Variants in TAX1BP1 observed in about 807,000 individuals in gnomAD.
TAX1BP1 encodes the protein Tax1 binding protein 1, also known as tax1-binding protein 1.
Under a neutral mutation model 97.7 loss-of-function variants are expected in TAX1BP1, and 62 were observed. The observed-to-expected ratio is 0.63, with a 90% confidence interval of 0.52 to 0.78. The LOEUF is 0.78. Ranked by LOEUF, TAX1BP1 falls within the 30% of genes least tolerant of loss-of-function variation. TAX1BP1 has a pLI of 0.00. For missense variants in TAX1BP1, 867 were observed against 916.1 expected, an observed-to-expected ratio of 0.95 and a Z score of 0.69; for synonymous variants, 340 against 304.2, an observed-to-expected ratio of 1.12 and a Z score of -1.23.
At chr7:27,795,110 T>C (rs1281205327) in intron 11 of TAX1BP1, among the ~76,000 whole-genome samples, 2 of 152,206 alleles carry the variant, frequency 1.3e-5, no homozygotes, top group East Asian at 3.9e-4. Flanking sequence ...AGAAAGTATA[T>C]TTTCTTGTTT....
chr7:27,788,904 G>A (rs1421755615), intron 8 of TAX1BP1, among the ~76,000 whole-genome samples: 2 of 151,972 alleles, frequency 1.3e-5, no homozygotes, highest in Non-Finnish European at 2.9e-5. Context: ...TGCACATTCA[G>A]TGGGTATTTT....
intron 13 of TAX1BP1, chr7:27,803,175 G>T: frequency 1.3e-6 from 2 of 1,545,086 alleles, no homozygotes; most frequent in African/African-American, 1.4e-5. Context: ...CCTCTCCAGG[G>T]AGAAGGTATT....
intron 8 of TAX1BP1, among the ~76,000 whole-genome samples, chr7:27,790,264 T>A (rs939071370): frequency 6.6e-6 from 1 of 151,998 alleles, no homozygotes; most frequent in African/African-American, 2.4e-5. Context: ...TTTCTTCTCT[T>A]CATTTAACAA....
chr7:27,758,842 A>G (rs1241389298), intron 3 of TAX1BP1, among the ~76,000 whole-genome samples: 1 of 152,152 alleles, frequency 6.6e-6, no homozygotes, highest in Non-Finnish European at 1.5e-5. Context: ...ATGAGGGTAG[A>G]GAGTTTCAGT....
Position 27,765,930 on chromosome 7 carries a change from G to A in TAX1BP1, c.362G>A (p.Arg121Gln), listed in dbSNP as rs751921028. The change falls in exon 4 of 17, where the codon CGA becomes CAA. Residue 121 changes from arginine (R) to glutamine (Q), a missense_variant. Arg to Gln is a conservative substitution (Grantham distance 43). This residue lies in a region of TAX1BP1 where 822 missense variants were observed against 851.4 expected (regional missense o/e 0.97). Transcript: ENST00000396319. ...GGAGCAAGTACACCTTTCCAGTTTC[G>A]AGCTTCTTCTCCAGTTGAAGAGCTG... is the stretch of plus-strand genomic sequence containing the variant. ...IRGASTPFQF[R>Q]ASSPVEELLT... 3.7e-6 allele frequency: 6 copies of A among 1,614,062 alleles called. No homozygotes were observed. The highest frequency in any genetic ancestry group is 1.7e-5 in the Admixed American group (1 of 60,008).
At chr7:27,794,694 G>A (rs924790987) in intron 11 of TAX1BP1, among the ~76,000 whole-genome samples, 1 of 152,146 alleles carries the variant, frequency 6.6e-6, no homozygotes, top group African/African-American at 2.4e-5. Context: ...ATTCACACAT[G>A]TTAAAAATGA....
At chr7:27,795,176 T>C (rs1789872221) in intron 11 of TAX1BP1, among the ~76,000 whole-genome samples, 1 of 152,242 alleles carries the variant, frequency 6.6e-6, no homozygotes, top group African/African-American at 2.4e-5. Context: ...TCTTAGACTA[T>C]TAAATATTAG....
intron 13 of TAX1BP1, among the ~76,000 whole-genome samples, chr7:27,804,419 G>C (rs6970578): frequency 6.6e-6 from 1 of 152,052 alleles, no homozygotes; most frequent in Non-Finnish European, 1.5e-5. Context: ...ATGTCTGTGT[G>C]GTATTGTTCC....
chr7:27,771,097 A>ATATTTTTTTTT (rs1788828412), intron 5 of TAX1BP1, among the ~76,000 whole-genome samples: 1 of 40,570 alleles, frequency 2.5e-5, no homozygotes, highest in Non-Finnish European at 5.0e-5. Context: ...ACATTCAGCA[A>ATATTTTTTTTT]TTTTTTTTTT....
chr7:27,741,801 C>G (rs1787616946), intron 1 of TAX1BP1, among the ~76,000 whole-genome samples: 1 of 152,148 alleles, frequency 6.6e-6, no homozygotes, highest in African/African-American at 2.4e-5. Context: ...GAGGATCCCG[C>G]CAGCCTCTGA....
In TAX1BP1 at chr7:27,785,270, A is replaced by G; in HGVS notation, c.720A>G (p.Ser240=). The G allele has an allele frequency of 1.2e-6, 2 of 1,613,242 alleles. No homozygotes were observed. Among genetic ancestry groups the G allele is most frequent in the Non-Finnish European group, 1.7e-6 (2 of 1,179,556 alleles). The change falls in exon 6 of 17, where the codon TCA becomes TCG. Residue 240 remains serine (S), a synonymous_variant. Transcript: ENST00000396319. ...KAHQLEEDIV[S]VTHKAIEKET... is the part of the protein sequence containing the mutation. ...ATCAGCTTGAGGAAGATATTGTGTC[A>G]GTAACACATAAAGCAATTGAAAAAG...
chr7:27,803,132 A>G, intron 13 of TAX1BP1: 1 of 1,548,110 alleles, frequency 6.5e-7, no homozygotes, highest in Non-Finnish European at 8.7e-7. Context: ...AGAAAGACAA[A>G]GAAATAAGTG....
chr7:27,761,478 C>G (rs556520500), intron 3 of TAX1BP1, among the ~76,000 whole-genome samples: 2 of 152,276 alleles, frequency 1.3e-5, no homozygotes, highest in South Asian at 4.1e-4. Context: ...TCCTGTGTCC[C>G]ACCAACTCAT....
At chr7:27,828,202 T>A (rs189649733) in intron 16 of TAX1BP1, among the ~76,000 whole-genome samples, 12 of 152,328 alleles carry the variant, frequency 7.9e-5, no homozygotes, top group South Asian at 6.2e-4. Flanking sequence ...CTCCGACTGA[T>A]TCTGATGCAT....
chr7:27,781,936 G>A (rs951605249), intron 5 of TAX1BP1, among the ~76,000 whole-genome samples: 4 of 151,640 alleles, frequency 2.6e-5, no homozygotes, highest in Admixed American at 1.3e-4. Flanking sequence ...CCAGGCTCTC[G>A]TACACCTGAC....
intron 13 of TAX1BP1, among the ~76,000 whole-genome samples, chr7:27,810,370 G>A (rs576608389): frequency 2.0e-5 from 3 of 152,204 alleles, no homozygotes; most frequent in African/African-American, 7.2e-5. Flanking sequence ...TGTTCTAAAT[G>A]TATCTCCTAT....
At chr7:27,782,169 CT>C (rs760444275) in intron 5 of TAX1BP1, among the ~76,000 whole-genome samples, 62 of 152,036 alleles carry the variant, frequency 4.1e-4, no homozygotes, top group Non-Finnish European at 7.1e-4. Context: ...CAAAAATATT[CT>C]TTCTTTGTAT....
chr7:27,828,889 T>C lies in TAX1BP1; in HGVS notation c.*60T>C. On this transcript the variant is annotated 3_prime_UTR_variant, in exon 17 of 17. Transcript: ENST00000396319. Reference sequence around the variant, plus strand: ...TAAAAAAAAAAAAAAAAACCACACCTAAAATAGACCACTGAGGAGACCATA... The same window carrying C: ...TAAAAAAAAAAAAAAAAACCACACCCAAAATAGACCACTGAGGAGACCATA... 8.1e-7 allele frequency: 1 copy of C among 1,239,206 alleles called. No individual in the cohort carries two copies. The allele number at this position is 1,239,206 out of a possible 1,614,324, so 76.8% of individuals were successfully genotyped here. A position where few individuals can be genotyped will look rare whatever the true frequency, so the allele number is the denominator to read the frequency against.
chr7:27,755,375 A>G (rs1788174853), intron 2 of TAX1BP1, among the ~76,000 whole-genome samples: 1 of 152,062 alleles, frequency 6.6e-6, no homozygotes, highest in African/African-American at 2.4e-5. Flanking sequence ...ATCTCCAAAC[A>G]TCAGTCCCCT....
Sources: gnomAD v4.1 joint callset for allele counts (sites outside exome capture counted in the v4.1 genomes callset) on GRCh38, gnomAD v4.1.1 for gene constraint, gnomAD v4.1.1 regional missense constraint, MANE v1.5 for transcripts, NCBI Gene and HGNC (gene_info 2026-07-23, HGNC 2026-07-21) for gene names.